XIRP2: variants seen among roughly 807,000 people sequenced by gnomAD.
The protein encoded by XIRP2 is xin actin binding repeat containing 2, also known as xin actin-binding repeat-containing protein 2.
Under a neutral mutation model 277.0 loss-of-function variants are expected in XIRP2, and 236 were observed. The observed-to-expected ratio is 0.85, with a 90% confidence interval of 0.77 to 0.95. The LOEUF is 0.95. Ranked by LOEUF, XIRP2 falls within the 40% of genes least tolerant of loss-of-function variation. XIRP2 has a pLI of 0.00. For synonymous variants in XIRP2, 1,490 were observed against 1,416.5 expected (o/e 1.05, Z -1.17); for missense variants, 4,640 against 4,157.5 (o/e 1.12, Z -3.19).
chr2:167,060,871 T>C (rs1179046894), intron 2 of XIRP2, among the ~76,000 whole-genome samples: 2 of 152,170 alleles, frequency 1.3e-5, no homozygotes, highest in Non-Finnish European at 2.9e-5. Context: ...CCCATTTTCA[T>C]ATATTTGTTA....
At chr2:166,913,746 A>C (rs546534333) in intron 2 of XIRP2, among the ~76,000 whole-genome samples, 1 of 152,348 alleles carries the variant, frequency 6.6e-6, no homozygotes, top group South Asian at 2.1e-4. Flanking sequence ...TAGGAGAAGA[A>C]TAATTGCAGC....
intron 1 of XIRP2, among the ~76,000 whole-genome samples, chr2:166,896,340 C>A (rs6722331): frequency 0.25 from 37,446 of 151,916 alleles, 4,814 homozygotes; most frequent in Admixed American, 0.3. Context: ...TGGAGATGAC[C>A]GCTCCGTTTC....
intron 2 of XIRP2, among the ~76,000 whole-genome samples, chr2:167,058,418 A>G (rs116003032): frequency 0.013 from 2,043 of 152,198 alleles, 51 homozygotes; most frequent in African/African-American, 0.047. Flanking sequence ...GTTGCATAAC[A>G]AAACTCTCCA....
chr2:167,201,777 A>G (rs1027179206), intron 3 of XIRP2, among the ~76,000 whole-genome samples: 3 of 152,220 alleles, frequency 2.0e-5, no homozygotes, highest in Middle Eastern at 3.2e-3. Context: ...AAGTGCATAT[A>G]TTTTAGGAAG....
At chr2:167,018,162 G>C (rs147669882) in intron 2 of XIRP2, among the ~76,000 whole-genome samples, 7 of 151,924 alleles carry the variant, frequency 4.6e-5, no homozygotes, top group Non-Finnish European at 1.0e-4. Flanking sequence ...AGCCTTCTAG[G>C]CATTGTTGCC....
At chr2:167,026,410 A>G (rs1006518567) in intron 2 of XIRP2, among the ~76,000 whole-genome samples, 12 of 151,976 alleles carry the variant, frequency 7.9e-5, no homozygotes, top group Admixed American at 1.3e-4. Context: ...TCTTTATCCA[A>G]TTTTCCAGTC....
intron 5 of XIRP2, among the ~76,000 whole-genome samples, chr2:167,218,882 G>C (rs1694335734): frequency 6.6e-6 from 1 of 151,934 alleles, no homozygotes; most frequent in African/African-American, 2.4e-5. Context: ...ACTGTCATGA[G>C]ATTTAGTGAT....
rs755408315 is a variant in XIRP2, at chr2:167,248,475, G to A, written c.7083G>A (p.Ser2361=). 3.3e-5 allele frequency: 54 copies of A among 1,613,292 alleles called. No individual in the cohort carries two copies. In the African/African-American group the frequency reaches 5.4e-4, roughly 16 times the overall value. ...VDEKSERESS[S]MFLPPPPPPT... is the part of the protein sequence containing the mutation. ...AGAAATCTGAAAGAGAAAGTTCATC[G>A]ATGTTTCTGCCGCCTCCTCCTCCTC... is the stretch of plus-strand genomic sequence containing the variant. Residue 2361 remains serine (S), a synonymous_variant, in exon 9 of 11, where the codon TCG becomes TCA. Transcript: ENST00000409195.
At chr2:167,146,393 T>C (rs1002935902) in intron 3 of XIRP2, among the ~76,000 whole-genome samples, 1 of 151,694 alleles carries the variant, frequency 6.6e-6, no homozygotes, top group Non-Finnish European at 1.5e-5. Context: ...CCCAGCTACT[T>C]GGAATGCTGA....
At chr2:167,123,596 G>A (rs1325726631) in intron 2 of XIRP2, among the ~76,000 whole-genome samples, 2 of 152,076 alleles carry the variant, frequency 1.3e-5, no homozygotes, top group African/African-American at 4.8e-5. Context: ...AGCCATAAGT[G>A]AAGAAGCTAT....
In XIRP2 at chr2:167,258,183, C is replaced by T. The variant is rs759673277; in HGVS notation, c.*366C>T. 1.2e-6 allele frequency: 2 copies of T among 1,612,908 alleles called. No individual in the cohort carries two copies. The highest frequency in any genetic ancestry group is 8.5e-7 in the Non-Finnish European group (1 of 1,179,530). Reference sequence around the variant, plus strand: ...ATTTGGCCTCCTTCCAAGGAGATCCCTAAGAAAACCTTACCCTTTGAGGAA... The same window carrying T: ...ATTTGGCCTCCTTCCAAGGAGATCCTTAAGAAAACCTTACCCTTTGAGGAA... On this transcript the variant is annotated 3_prime_UTR_variant, in exon 11 of 11. Coordinates refer to ENST00000409195, the MANE Select transcript of XIRP2 (RefSeq NM_152381.6).
intron 2 of XIRP2, among the ~76,000 whole-genome samples, chr2:167,132,307 C>T (rs1339824305): frequency 6.6e-6 from 1 of 152,110 alleles, no homozygotes; most frequent in Non-Finnish European, 1.5e-5. Context: ...GTTATGACTC[C>T]AGAGCTAGGG....
In XIRP2 at chr2:167,208,251, T is replaced by C. The variant is rs577273013; in HGVS notation, c.563-2484T>C. 5.3e-5 allele frequency among the ~76,000 whole-genome samples: 8 copies of C among 152,350 alleles called. No homozygotes were observed. In the South Asian group the frequency reaches 1.7e-3, roughly 32 times the overall value. On this transcript the variant is annotated intron_variant, in intron 3 of 10. Coordinates refer to ENST00000409195, the MANE Select transcript of XIRP2 (RefSeq NM_152381.6). ...CCTTCCTCCTTTTCACAGAGTACTT[T>C]AGCCTTTTAGTTTGTTCCTTTCCTG...
intron 2 of XIRP2, among the ~76,000 whole-genome samples, chr2:167,129,407 G>T (rs1026576434): frequency 1.7e-4 from 26 of 152,062 alleles, no homozygotes; most frequent in African/African-American, 6.0e-4. Flanking sequence ...AGGGCAACCT[G>T]CTTTCTTTTC....
At chr2:166,984,402 T>C (rs9808208) in intron 2 of XIRP2, among the ~76,000 whole-genome samples, 80,179 of 151,996 alleles carry the variant, frequency 0.53, 23,209 homozygotes, top group East Asian at 0.82. Context: ...ACAGAAGTCA[T>C]GTGATAAAAT....
At chr2:166,902,815 C>T (rs1246889445) in intron 1 of XIRP2, among the ~76,000 whole-genome samples, 1 of 151,998 alleles carries the variant, frequency 6.6e-6, no homozygotes, top group African/African-American at 2.4e-5. Flanking sequence ...GGCTTTGTCA[C>T]TCAGAATCCT....
At position 167,157,751 on chromosome 2, in the gene XIRP2, G is replaced by T. The variant is rs143114834; in HGVS notation, c.562+21689G>T. Among the ~76,000 whole-genome samples, 7 of 152,258 alleles carry T rather than the reference G, an allele frequency of 4.6e-5. No homozygotes were observed. In the East Asian group the frequency reaches 1.4e-3, roughly 29 times the overall value. The stretch of plus-strand genomic sequence containing the variant: ...AACAGTGAAATTCCTTGACAATGCT[G>T]CTGGATATGATTGTGAAAAATGTTG... On this transcript the variant is annotated intron_variant, in intron 3 of 10. Transcript: ENST00000409195.
chr2:167,068,596 AT>A (rs1159480222), intron 2 of XIRP2, among the ~76,000 whole-genome samples: 1 of 148,222 alleles, frequency 6.7e-6, no homozygotes, highest in Non-Finnish European at 1.5e-5. Flanking sequence ...CCTTTCTCAT[AT>A]TTTTCTTTGC....
At chr2:166,922,303 G>A (rs1424157887) in intron 2 of XIRP2, among the ~76,000 whole-genome samples, 1 of 152,092 alleles carries the variant, frequency 6.6e-6, no homozygotes, top group African/African-American at 2.4e-5. Context: ...GAGATTTGTT[G>A]TTGTTTGACC....
Sources: gnomAD v4.1 joint callset for allele counts (sites outside exome capture counted in the v4.1 genomes callset) on GRCh38, gnomAD v4.1.1 for gene constraint, MANE v1.5 for transcripts, NCBI Gene and HGNC (gene_info 2026-07-23, HGNC 2026-07-21) for gene names.